Variants in RALGPS1 observed in about 807,000 individuals in gnomAD.
RALGPS1 encodes ras-specific guanine nucleotide-releasing factor RalGPS1.
A neutral mutation model predicts 78.8 loss-of-function variants in RALGPS1; 19 were observed. The observed-to-expected ratio is 0.24, with a 90% CI of 0.17 to 0.35. The LOEUF (loss-of-function observed/expected upper bound fraction) is 0.35, where lower values mean the gene tolerates loss of function less well. Among genes scored for constraint, RALGPS1 ranks in the 10% least tolerant of loss-of-function variants. The pLI, the probability that RALGPS1 is intolerant of heterozygous loss-of-function variation, is 1.00. For synonymous variants in RALGPS1, 228 were observed against 256.3 expected (o/e 0.89, Z 1.06); for missense variants, 454 against 688.3 (o/e 0.66, Z 3.81).
At chr9:127,210,046 G>T (rs969636062) in intron 14 of RALGPS1, among the ~76,000 whole-genome samples, 1 of 152,202 alleles carries the variant, frequency 6.6e-6, no homozygotes, top group African/African-American at 2.4e-5. Flanking sequence ...GTGCCTCCCC[G>T]CGAAGAGGCT....
intron 4 of RALGPS1, among the ~76,000 whole-genome samples, chr9:127,012,598 C>T (rs192231526): frequency 2.0e-5 from 3 of 152,314 alleles, no homozygotes; most frequent in Admixed American, 6.5e-5. Context: ...GTAGTCAGGA[C>T]GGGCTGAGCT....
intron 8 of RALGPS1, among the ~76,000 whole-genome samples, chr9:127,103,899 A>G (rs1267089436): frequency 6.6e-6 from 1 of 152,150 alleles, no homozygotes; most frequent in Non-Finnish European, 1.5e-5. Flanking sequence ...GAAGTGTGCA[A>G]TATCCAGAGT....
chr9:127,032,472 G>A (rs926462969), intron 4 of RALGPS1, among the ~76,000 whole-genome samples: 19 of 152,322 alleles, frequency 1.2e-4, no homozygotes, highest in Admixed American at 1.1e-3. Context: ...CAACAACCGT[G>A]CCTCAGTCCT....
chr9:127,114,576 T>G (rs941064088), intron 8 of RALGPS1, among the ~76,000 whole-genome samples: 2 of 152,188 alleles, frequency 1.3e-5, no homozygotes, highest in Non-Finnish European at 2.9e-5. Flanking sequence ...AGGAGTTGAT[T>G]CATCATCAGT....
chr9:127,149,279 T>C (rs2058283568), intron 8 of RALGPS1, among the ~76,000 whole-genome samples: 2 of 152,234 alleles, frequency 1.3e-5, no homozygotes, highest in African/African-American at 4.8e-5. Flanking sequence ...TGGTTGACAC[T>C]GGTGTCTTAT....
At chr9:126,991,110 G>T (rs1045398416) in intron 4 of RALGPS1, among the ~76,000 whole-genome samples, 1 of 152,168 alleles carries the variant, frequency 6.6e-6, no homozygotes, top group Admixed American at 6.5e-5. Flanking sequence ...TGTCTAATTT[G>T]TTACCGCTCT....
chr9:127,070,612 C>CT (rs954822263), intron 8 of RALGPS1, among the ~76,000 whole-genome samples: 1 of 151,926 alleles, frequency 6.6e-6, no homozygotes, highest in Non-Finnish European at 1.5e-5. Context: ...TTCTTTCTTT[C>CT]TTTTTTGTCT....
intron 3 of RALGPS1, among the ~76,000 whole-genome samples, chr9:126,969,489 A>G (rs1168083923): frequency 6.6e-6 from 1 of 152,202 alleles, no homozygotes; most frequent in South Asian, 2.1e-4. Context: ...ACCATATTGG[A>G]CAGTATAACA....
chr9:127,100,984 G>A (rs1234564982), intron 8 of RALGPS1, among the ~76,000 whole-genome samples: 1 of 152,154 alleles, frequency 6.6e-6, no homozygotes, highest in African/African-American at 2.4e-5. Context: ...CTGAAAGCAG[G>A]ACATTTGTCT....
chr9:127,133,385 C>T (rs1457132000), intron 8 of RALGPS1, among the ~76,000 whole-genome samples: 1 of 152,276 alleles, frequency 6.6e-6, no homozygotes, highest in East Asian at 1.9e-4. Flanking sequence ...GCAGCTCAGT[C>T]TTCACTGTGA....
At chr9:126,938,246 G>GC (rs2036440395) in intron 1 of RALGPS1, among the ~76,000 whole-genome samples, 1 of 152,158 alleles carries the variant, frequency 6.6e-6, no homozygotes, top group African/African-American at 2.4e-5. Flanking sequence ...ACGAGAGAAG[G>GC]CCAGGATATA....
chr9:127,165,968 G>C, intron 8 of RALGPS1, 101 bp from the exon 9 acceptor site: 1 of 1,421,966 alleles, frequency 7.0e-7, no homozygotes, highest in Non-Finnish European at 9.2e-7. Context: ...TTTTCCATAA[G>C]TCACCCTTTA....
chr9:126,958,142 A>T (rs12348247), intron 1 of RALGPS1, among the ~76,000 whole-genome samples: 15,695 of 76,850 alleles, frequency 0.2, 2,611 homozygotes, highest in African/African-American at 0.42. Flanking sequence ...AAAAAAAAAA[A>T]ATATATATAT....
At chr9:126,923,756 A>T (rs2034996638) in intron 1 of RALGPS1, among the ~76,000 whole-genome samples, 1 of 152,160 alleles carries the variant, frequency 6.6e-6, no homozygotes, top group African/African-American at 2.4e-5. Flanking sequence ...TACAGCCTTC[A>T]GCTCATGGCC....
intron 8 of RALGPS1, among the ~76,000 whole-genome samples, chr9:127,163,037 G>A (rs2059108776): frequency 6.6e-6 from 1 of 152,138 alleles, no homozygotes; most frequent in Non-Finnish European, 1.5e-5. Flanking sequence ...TTTCTGTCTT[G>A]GATTTGATAC....
At chr9:127,093,804 C>A in intron 8 of RALGPS1, 1 of 1,614,044 alleles carries the variant, frequency 6.2e-7, no homozygotes, top group South Asian at 1.1e-5. Flanking sequence ...GTCCAGCCCC[C>A]GGGGTCGTGT....
intron 8 of RALGPS1, among the ~76,000 whole-genome samples, chr9:127,080,620 G>A (rs1179819850): frequency 3.9e-5 from 6 of 152,188 alleles, no homozygotes; most frequent in Non-Finnish European, 8.8e-5. Flanking sequence ...TGTTCTTTCT[G>A]GTAGCTCTTT....
intron 4 of RALGPS1, among the ~76,000 whole-genome samples, chr9:127,021,576 G>T (rs1293926825): frequency 6.8e-6 from 1 of 146,086 alleles, no homozygotes; most frequent in East Asian, 2.0e-4. Context: ...TTTCTGTAAT[G>T]AACATGTATT....
intron 8 of RALGPS1, chr9:127,108,257 C>T: frequency 6.2e-7 from 1 of 1,614,042 alleles, no homozygotes; most frequent in Non-Finnish European, 8.5e-7. Context: ...ATCCTGTTCT[C>T]CAGCTGGGAG....
Sources: allele counts gnomAD v4.1 joint callset (sites outside exome capture counted in the v4.1 genomes callset), GRCh38; gene constraint gnomAD v4.1.1; transcripts MANE v1.5; gene names NCBI Gene and HGNC (gene_info 2026-07-23, HGNC 2026-07-21).